KCNN1: variants seen among roughly 807,000 people sequenced by gnomAD.
The protein encoded by KCNN1 is potassium calcium-activated channel subfamily N member 1.
A neutral mutation model predicts 44.7 loss-of-function variants in KCNN1; 20 were observed. That is an observed-to-expected ratio of 0.45 (90% CI 0.32 to 0.65). The LOEUF (loss-of-function observed/expected upper bound fraction) is 0.65, where lower values mean the gene tolerates loss of function less well. Ranked by LOEUF, KCNN1 falls within the 30% of genes least tolerant of loss-of-function variation. The pLI is 0.05. For synonymous variants in KCNN1, 324 were observed against 341.7 expected (o/e 0.95, Z 0.57); for missense variants, 632 against 785.3 (o/e 0.80, Z 2.33).
At chr19:17,955,389 C>T (rs2031517396) in intron 2 of KCNN1, among the ~76,000 whole-genome samples, 1 of 151,248 alleles carries the variant, frequency 6.6e-6, no homozygotes. Flanking sequence ...GGTGAAACCC[C>T]CATCTCTACT....
At chr19:17,953,154 T>A (rs899351768) in intron 1 of KCNN1, among the ~76,000 whole-genome samples, 1 of 152,108 alleles carries the variant, frequency 6.6e-6, no homozygotes, top group Non-Finnish European at 1.5e-5. Context: ...AGATCTCACC[T>A]CCTCTTGTCC....
chr19:17,969,682 G>A (rs1214801052), intron 1 of KCNN1, among the ~76,000 whole-genome samples: 1 of 152,238 alleles, frequency 6.6e-6, no homozygotes, highest in Non-Finnish European at 1.5e-5. Context: ...CTTCATTGGT[G>A]CGTTTCGGAA....
intron 4 of KCNN1, among the ~76,000 whole-genome samples, chr19:17,984,616 C>T (rs1264688200): frequency 6.6e-6 from 1 of 152,172 alleles, no homozygotes; most frequent in African/African-American, 2.4e-5. Context: ...GCCAAGCCCT[C>T]GGCCCGCTAG....
intron 3 of KCNN1, among the ~76,000 whole-genome samples, chr19:17,978,674 A>G (rs1370332299): frequency 6.6e-6 from 1 of 150,450 alleles, no homozygotes; most frequent in African/African-American, 2.4e-5. Context: ...GCTGGTCTCA[A>G]ACTCCTGGGC....
At chr19:17,968,877 G>C (rs1298178853) in intron 1 of KCNN1, among the ~76,000 whole-genome samples, 1 of 152,174 alleles carries the variant, frequency 6.6e-6, no homozygotes, top group Non-Finnish European at 1.5e-5. Flanking sequence ...TTGTTTGTTA[G>C]AGATGGGATA....
At chr19:17,954,746 A>G (rs930517362) in intron 2 of KCNN1, 2 of 152,162 alleles carry the variant, frequency 1.3e-5, no homozygotes, top group African/African-American at 4.8e-5. Flanking sequence ...GGATAGAAAA[A>G]TTGGTAACTG....
At chr19:17,964,474 T>C (rs1288096927), upstream of KCNN1, among the ~76,000 whole-genome samples, 4 of 152,254 alleles carry the variant, frequency 2.6e-5, no homozygotes, top group East Asian at 5.8e-4. This position sits in a 1 kb window ranked among gnomAD's most constrained non-coding sequence, Gnocchi z 4.3. Flanking sequence ...GCCTCCACCA[T>C]GCTTGACGTT....
At chr19:17,968,680 A>G (rs1035188368) in intron 1 of KCNN1, among the ~76,000 whole-genome samples, 1 of 151,988 alleles carries the variant, frequency 6.6e-6, no homozygotes, top group African/African-American at 2.4e-5. Context: ...AAGAGCTCTC[A>G]TGGGTCCCCC....
intron 1 of KCNN1, among the ~76,000 whole-genome samples, chr19:17,952,839 C>T (rs182760612): frequency 3.3e-5 from 5 of 152,302 alleles, no homozygotes; most frequent in Non-Finnish European, 4.4e-5. Flanking sequence ...AAGCTCCCTC[C>T]CTTCCCCCCT....
intron 9 of KCNN1, among the ~76,000 whole-genome samples, chr19:17,997,546 C>G (rs1599385204): frequency 6.6e-6 from 1 of 152,140 alleles, no homozygotes; most frequent in Non-Finnish European, 1.5e-5. Context: ...TCTTGTCACT[C>G]AGGCGCACTG....
chr19:17,982,767 G>A (rs556126704), intron 4 of KCNN1, among the ~76,000 whole-genome samples: 259 of 152,286 alleles, frequency 1.7e-3, no homozygotes, highest in Non-Finnish European at 3.1e-3. Flanking sequence ...CGTCCTCTCC[G>A]AGCCTCAGGG....
chr19:17,977,374 C>G (rs1323235521), intron 3 of KCNN1, among the ~76,000 whole-genome samples: 1 of 151,484 alleles, frequency 6.6e-6, no homozygotes, highest in African/African-American at 2.4e-5. Context: ...CAGAGTTTCA[C>G]TCTGTCACCC....
At chr19:17,961,231 A>T (rs1163931514) in intron 2 of KCNN1, among the ~76,000 whole-genome samples, 4 of 149,998 alleles carry the variant, frequency 2.7e-5, no homozygotes, top group South Asian at 4.2e-4. Context: ...ATTAGATCAG[A>T]GCCAGAACTA....
chr19:17,958,204 G>A (rs1568444261), intron 2 of KCNN1, among the ~76,000 whole-genome samples: 1 of 152,066 alleles, frequency 6.6e-6, no homozygotes, highest in African/African-American at 2.4e-5. Flanking sequence ...AATCAGATTT[G>A]TAACCAAGAA....
intron 3 of KCNN1, among the ~76,000 whole-genome samples, chr19:17,979,607 C>G (rs891927195): frequency 1.3e-5 from 2 of 151,722 alleles, no homozygotes; most frequent in East Asian, 3.9e-4. Flanking sequence ...GTCCCGGCTC[C>G]GTAACTGACA....
chr19:17,951,466 G>A (rs2031404794), intron 1 of KCNN1: 1 of 152,408 alleles, frequency 6.6e-6, no homozygotes, highest in South Asian at 2.1e-4. Context: ...GGCTTGGCAG[G>A]GCCGAGGTCA....
chr19:17,982,663 T>G (rs1204771359), intron 4 of KCNN1: 3 of 906,946 alleles, frequency 3.3e-6, no homozygotes, highest in African/African-American at 3.6e-5. Context: ...AATTTAAGAT[T>G]AGCTGCCGCA....
intron 9 of KCNN1, among the ~76,000 whole-genome samples, chr19:17,995,852 C>T (rs1374012694): frequency 1.3e-5 from 2 of 152,120 alleles, no homozygotes; most frequent in African/African-American, 4.8e-5. Context: ...TCCCAAAGTG[C>T]TGGGATTACA....
chr19:17,968,730 G>T (rs2031906936), intron 1 of KCNN1, among the ~76,000 whole-genome samples: 1 of 152,110 alleles, frequency 6.6e-6, no homozygotes, highest in Non-Finnish European at 1.5e-5. Context: ...TGTCTCCAGG[G>T]AGGGTGTGGA....
Sources: gnomAD v4.1 joint callset for allele counts (sites outside exome capture counted in the v4.1 genomes callset) on GRCh38, gnomAD v4.1.1 for gene constraint, Gnocchi (gnomAD v3.1) non-coding constraint, MANE v1.5 for transcripts, NCBI Gene and HGNC (gene_info 2026-07-23, HGNC 2026-07-21) for gene names.